TRAPPC9: variants seen among roughly 807,000 people sequenced by gnomAD.
TRAPPC9 encodes IKK2 binding protein.
In TRAPPC9, 83 loss-of-function variants were observed where a neutral mutation model predicts 124.0. The ratio of observed to expected loss-of-function variants is 0.67; its 90% confidence interval spans 0.56 to 0.80. TRAPPC9 has a LOEUF of 0.80. TRAPPC9 is among the 30% of genes least tolerant of loss of function. The pLI is 0.00. For synonymous variants in TRAPPC9, 638 were observed against 617.5 expected, an observed-to-expected ratio of 1.03 and a Z score of -0.49; for missense variants, 1,302 against 1,508.3, an observed-to-expected ratio of 0.86 and a Z score of 2.27.
intron 8 of TRAPPC9, among the ~76,000 whole-genome samples, chr8:140,362,535 T>A (rs201605268): frequency 5.3e-5 from 8 of 151,656 alleles, no homozygotes; most frequent in African/African-American, 1.7e-4. Context: ...TAAAAAAAAA[T>A]AAAAATAAAA....
chr8:139,774,013 C>T (rs541102125), intron 21 of TRAPPC9, among the ~76,000 whole-genome samples: 13 of 152,306 alleles, frequency 8.5e-5, no homozygotes, highest in East Asian at 3.9e-4. Flanking sequence ...GAGAGGAGCA[C>T]GGTGCTGAGC....
intron 12 of TRAPPC9, among the ~76,000 whole-genome samples, chr8:140,290,667 AGGCAGAAT>A (rs2065626927): frequency 1.3e-5 from 2 of 152,198 alleles, no homozygotes; most frequent in South Asian, 4.1e-4. Context: ...GTTGAGTAGC[AGGCAGAAT>A]GGGGACTTTG....
chr8:140,086,868 G>A (rs1844216666), intron 17 of TRAPPC9, among the ~76,000 whole-genome samples: 1 of 152,070 alleles, frequency 6.6e-6, no homozygotes, highest in Non-Finnish European at 1.5e-5. Flanking sequence ...GGTGGCAGCA[G>A]TTGCAGTGAG....
At chr8:140,106,912 T>C (rs1355308615) in intron 17 of TRAPPC9, among the ~76,000 whole-genome samples, 2 of 152,170 alleles carry the variant, frequency 1.3e-5, no homozygotes, top group Non-Finnish European at 2.9e-5. Context: ...GCCTGGCACA[T>C]AATACAGTCT....
At chr8:140,265,591 T>G (rs1184190695) in intron 15 of TRAPPC9, among the ~76,000 whole-genome samples, 1 of 152,166 alleles carries the variant, frequency 6.6e-6, no homozygotes, top group African/African-American at 2.4e-5. Context: ...CTCTGCAGAA[T>G]CCTACACAGT....
intron 14 of TRAPPC9, among the ~76,000 whole-genome samples, chr8:140,281,418 T>C (rs1230435523): frequency 2.0e-5 from 3 of 152,332 alleles, no homozygotes; most frequent in Admixed American, 6.5e-5. Flanking sequence ...TGTGGTGAAA[T>C]AGGTACTCAA....
At chr8:140,348,083 A>T (rs2067405270) in intron 9 of TRAPPC9, among the ~76,000 whole-genome samples, 1 of 152,236 alleles carries the variant, frequency 6.6e-6, no homozygotes, top group Non-Finnish European at 1.5e-5. Context: ...CAAAAATGTC[A>T]GTCAAAGGTG....
At chr8:140,256,199 C>T (rs1289925743) in intron 15 of TRAPPC9, among the ~76,000 whole-genome samples, 3 of 152,198 alleles carry the variant, frequency 2.0e-5, no homozygotes, top group Non-Finnish European at 4.4e-5. Context: ...ACATTTGGCC[C>T]TTGGCTGCTC....
chr8:140,269,364 A>G (rs58544992), intron 15 of TRAPPC9, among the ~76,000 whole-genome samples: 37,341 of 151,572 alleles, frequency 0.25, 5,016 homozygotes, highest in African/African-American at 0.35. Flanking sequence ...ACACGGTGAA[A>G]CCCTGTCTCT....
At chr8:140,382,690 G>C (rs2068644092) in intron 7 of TRAPPC9, among the ~76,000 whole-genome samples, 1 of 152,190 alleles carries the variant, frequency 6.6e-6, no homozygotes, top group African/African-American at 2.4e-5. Context: ...GCCCAACACA[G>C]CTCAAGGAGG....
At chr8:139,998,709 G>C (rs761568922) in intron 18 of TRAPPC9, among the ~76,000 whole-genome samples, 1 of 152,046 alleles carries the variant, frequency 6.6e-6, no homozygotes, top group East Asian at 1.9e-4. Flanking sequence ...GCAACACAGC[G>C]AGACTCCGTC....
chr8:139,786,501 G>A (rs1822262162), intron 21 of TRAPPC9, among the ~76,000 whole-genome samples: 2 of 151,318 alleles, frequency 1.3e-5, no homozygotes, highest in African/African-American at 4.9e-5. Flanking sequence ...CAGTTTGGAA[G>A]CTTCTTAAAA....
At chr8:139,843,491 G>A (rs1022545562) in intron 21 of TRAPPC9, among the ~76,000 whole-genome samples, 2 of 152,218 alleles carry the variant, frequency 1.3e-5, no homozygotes, top group Non-Finnish European at 2.9e-5. Flanking sequence ...CCTGACCCAC[G>A]GAACCGGTGG....
At chr8:140,450,712 C>T in intron 2 of TRAPPC9, 78 bp downstream of exon 2, 4 of 1,114,272 alleles carry the variant, frequency 3.6e-6, no homozygotes, top group Non-Finnish European at 5.3e-6. Context: ...CTACTCCTTG[C>T]TGCAATGAAA....
In TRAPPC9 at chr8:140,210,103, CTCT is replaced by C. The variant is rs1373724930; in HGVS notation, c.2556+11353_2556+11355del. 1.6e-4 allele frequency among the ~76,000 whole-genome samples: 24 copies of C among 152,378 alleles called. No individual in the cohort carries two copies. In the East Asian group the frequency reaches 4.4e-3, roughly 28 times the overall value. ...CGTCACATCCCGAGCCTCTGTCTCG[CTCT>C]TCTTCTGGCCTCGGCCTGTTCGGCT... is the stretch of plus-strand genomic sequence containing the variant. On this transcript the variant is annotated intron_variant, in intron 17 of 22. Transcript: ENST00000438773.
At chr8:140,360,584 T>C (rs2067919918) in intron 8 of TRAPPC9, among the ~76,000 whole-genome samples, 2 of 151,430 alleles carry the variant, frequency 1.3e-5, no homozygotes, top group Non-Finnish European at 2.9e-5. Flanking sequence ...AAATCAAAAA[T>C]ATAATATTTC....
chr8:140,023,440 C>T (rs1423339341), intron 18 of TRAPPC9, among the ~76,000 whole-genome samples: 2 of 152,182 alleles, frequency 1.3e-5, no homozygotes, highest in Non-Finnish European at 2.9e-5. Context: ...GAGAGAAAGC[C>T]TTTGTATGCG....
intron 5 of TRAPPC9, among the ~76,000 whole-genome samples, chr8:140,423,878 T>C (rs562290783): frequency 2.4e-4 from 36 of 152,200 alleles, no homozygotes; most frequent in Non-Finnish European, 3.1e-4. Flanking sequence ...AAAAACCACA[T>C]ACCATTATAT....
chr8:140,177,485 C>T lies in TRAPPC9; in HGVS notation c.2556+43974G>A, dbSNP rs187177782. ...GTCTATTACTATTAATGGGGACTTC[C>T]TATTTTGTTTCCATTAATCTATGTT... is the stretch of plus-strand genomic sequence containing the variant. On this transcript the variant is annotated intron_variant, in intron 17 of 22. Transcript: ENST00000438773. 2.1e-3 allele frequency among the ~76,000 whole-genome samples: 314 copies of T among 152,188 alleles called. 5 individuals carry two copies. The Middle Eastern group carries it at 0.041, about 20-fold the overall frequency.
Sources: allele counts gnomAD v4.1 joint callset (sites outside exome capture counted in the v4.1 genomes callset), GRCh38; gene constraint gnomAD v4.1.1; transcripts MANE v1.5; gene names NCBI Gene and HGNC (gene_info 2026-07-23, HGNC 2026-07-21).